PRR16: variants seen among roughly 807,000 people sequenced by gnomAD.
The protein encoded by PRR16 is proline rich 16.
Under a neutral mutation model 18.2 loss-of-function variants are expected in PRR16, and 6 were observed. The observed-to-expected ratio is 0.33, with a 90% confidence interval of 0.18 to 0.65. The LOEUF is 0.65. Ranked by LOEUF, PRR16 falls within the 30% of genes least tolerant of loss-of-function variation. The probability of loss-of-function intolerance (pLI) is 0.74; values close to 1 mark genes in which losing one functional copy is unlikely to be tolerated. For synonymous variants in PRR16, 151 were observed against 147.8 expected (o/e 1.02, Z -0.16); for missense variants, 412 against 376.6 (o/e 1.09, Z -0.78).
At chr5:120,478,695 T>G (rs2112807696) in intron 1 of PRR16, among the ~76,000 whole-genome samples, 1 of 152,230 alleles carries the variant, frequency 6.6e-6, no homozygotes, top group South Asian at 2.1e-4. Context: ...CCATTTTTCC[T>G]TTTTGCCTAG....
chr5:120,655,515 G>A lies in PRR16; in HGVS notation c.160-30439G>A, dbSNP rs540703923. On this transcript the variant is annotated intron_variant, in intron 1 of 1. Transcript: ENST00000407149. ...AAACAAGTAAAAAGAAGGAGAGGAA[G>A]TGTTAGAAGTAGTAGTTTGACAATA... Among the ~76,000 whole-genome samples the A allele has an allele frequency of 4.6e-5, 7 of 150,734 alleles. No individual in the cohort carries two copies. In the South Asian group the frequency reaches 1.5e-3, roughly 31 times the overall value.
the PRR16 span, among the ~76,000 whole-genome samples, chr5:120,738,034 A>C: frequency 6.6e-6 from 1 of 152,154 alleles, no homozygotes; most frequent in African/African-American, 2.4e-5. Flanking sequence ...GAAACAAAGA[A>C]AGCCTAAGAA....
chr5:120,497,535 G>A (rs1388022724), intron 1 of PRR16, among the ~76,000 whole-genome samples: 1 of 151,366 alleles, frequency 6.6e-6, no homozygotes, highest in Non-Finnish European at 1.5e-5. Flanking sequence ...GATTACAGGT[G>A]CACACCACCA....
At chr5:120,551,994 C>A (rs1302686401) in intron 1 of PRR16, among the ~76,000 whole-genome samples, 1 of 151,876 alleles carries the variant, frequency 6.6e-6, no homozygotes, top group Non-Finnish European at 1.5e-5. Flanking sequence ...AACTTTCTTG[C>A]TGAAGGAGCC....
At chr5:120,489,439 T>C (rs1749941105) in intron 1 of PRR16, among the ~76,000 whole-genome samples, 2 of 152,210 alleles carry the variant, frequency 1.3e-5, no homozygotes, top group Admixed American at 1.3e-4. Context: ...TCTTTGTTGG[T>C]TTAAAGTCTG....
chr5:120,522,153 G>A (rs1297966483), intron 1 of PRR16, among the ~76,000 whole-genome samples: 3 of 152,162 alleles, frequency 2.0e-5, no homozygotes, highest in African/African-American at 2.4e-5. Flanking sequence ...TGTCTTTATA[G>A]CAGCATGATT....
chr5:120,474,816 A>G (rs1749387856), intron 1 of PRR16, among the ~76,000 whole-genome samples: 1 of 152,148 alleles, frequency 6.6e-6, no homozygotes, highest in South Asian at 2.1e-4. Flanking sequence ...AAAAGGAGAA[A>G]CTCAGAAAGA....
At chr5:120,762,123 G>A in the PRR16 span, among the ~76,000 whole-genome samples, 1 of 152,094 alleles carries the variant, frequency 6.6e-6, no homozygotes, top group African/African-American at 2.4e-5. Flanking sequence ...TTGATGGACA[G>A]TTAGGCTGAT....
intron 1 of PRR16, among the ~76,000 whole-genome samples, chr5:120,672,535 T>TATATAG (rs1277252055): frequency 2.8e-5 from 2 of 70,820 alleles, no homozygotes; most frequent in Non-Finnish European, 7.0e-5. Flanking sequence ...ATGTTATAGA[T>TATATAG]ATATATGTGT....
intron 1 of PRR16, among the ~76,000 whole-genome samples, chr5:120,527,038 G>T (rs943785716): frequency 7.2e-5 from 11 of 152,112 alleles, no homozygotes; most frequent in Non-Finnish European, 7.4e-5. Flanking sequence ...CCCAGGTCCT[G>T]CTGTTTACCA....
chr5:120,488,008 A>G (rs555046467), intron 1 of PRR16, among the ~76,000 whole-genome samples: 2 of 152,298 alleles, frequency 1.3e-5, no homozygotes, highest in African/African-American at 4.8e-5. Context: ...CCACTTGATC[A>G]TGGTGGATAA....
chr5:120,682,281 T>C (rs1433024270), intron 1 of PRR16, among the ~76,000 whole-genome samples: 2 of 152,206 alleles, frequency 1.3e-5, no homozygotes, highest in Non-Finnish European at 2.9e-5. Flanking sequence ...CTAACCTTTC[T>C]GATGGGGTCT....
At chr5:120,707,467 T>C in the PRR16 span, among the ~76,000 whole-genome samples, 1 of 152,208 alleles carries the variant, frequency 6.6e-6, no homozygotes, top group East Asian at 1.9e-4. Context: ...TAAAGTTCTG[T>C]TCATTTAAAA....
chr5:120,661,922 A>T (rs1252550959), intron 1 of PRR16, among the ~76,000 whole-genome samples: 8 of 152,246 alleles, frequency 5.3e-5, no homozygotes, highest in African/African-American at 1.9e-4. Flanking sequence ...AAATGGTTCA[A>T]CAATTTGACT....
chr5:120,546,017 C>T (rs145442824), intron 1 of PRR16, among the ~76,000 whole-genome samples: 14 of 152,052 alleles, frequency 9.2e-5, no homozygotes, highest in South Asian at 6.2e-4. Context: ...TGAGTTCTCA[C>T]GATGAAAAGT....
At chr5:120,642,402 G>A (rs535094990) in intron 1 of PRR16, among the ~76,000 whole-genome samples, 64 of 152,040 alleles carry the variant, frequency 4.2e-4, no homozygotes, top group African/African-American at 1.5e-3. Flanking sequence ...AGAGATGGTG[G>A]TCTCAGGTTT....
At chr5:120,762,493 T>C in the PRR16 span, among the ~76,000 whole-genome samples, 1 of 152,128 alleles carries the variant, frequency 6.6e-6, no homozygotes, top group Non-Finnish European at 1.5e-5. Flanking sequence ...TAATGTTGTT[T>C]TTTGTTTTGT....
chr5:120,646,862 AAAC>A (rs1347311469), intron 1 of PRR16, among the ~76,000 whole-genome samples: 1 of 152,032 alleles, frequency 6.6e-6, no homozygotes, highest in African/African-American at 2.4e-5. Flanking sequence ...TAACTAAGAG[AAAC>A]AACAACAGAA....
intron 1 of PRR16, among the ~76,000 whole-genome samples, chr5:120,676,520 ATATGTG>A (rs145523025): frequency 1.2e-3 from 143 of 123,556 alleles, no homozygotes; most frequent in Middle Eastern, 4.4e-3. Context: ...ATATATATAT[ATATGTG>A]TGTGTGTGTG....
Sources: gnomAD v4.1 joint callset for allele counts (sites outside exome capture counted in the v4.1 genomes callset) on GRCh38, gnomAD v4.1.1 for gene constraint, MANE v1.5 for transcripts, NCBI Gene and HGNC (gene_info 2026-07-23, HGNC 2026-07-21) for gene names.